The following PARP16 variants were observed in gnomAD, a reference collection of about 807,000 sequenced individuals.
PARP16 encodes poly(ADP-ribose) polymerase family member 16, also known as protein mono-ADP-ribosyltransferase PARP16.
In PARP16, 31 loss-of-function variants were observed where a neutral mutation model predicts 35.0. That is an observed-to-expected ratio of 0.88 (90% CI 0.66 to 1.19). The LOEUF (loss-of-function observed/expected upper bound fraction) is 1.19. Among genes scored for constraint, PARP16 ranks in the 50% most tolerant of loss-of-function variants. PARP16 has a pLI of 0.00. For synonymous variants in PARP16, 162 were observed against 169.5 expected (o/e 0.96, Z 0.34); for missense variants, 424 against 411.2 (o/e 1.03, Z -0.27).
intron 3 of PARP16, among the ~76,000 whole-genome samples, chr15:65,240,699 G>T (rs1476720610): frequency 1.3e-5 from 2 of 152,080 alleles, no homozygotes; most frequent in African/African-American, 4.8e-5. Flanking sequence ...TATATGCAAG[G>T]CTGCTGTAAC....
chr15:65,263,074 C>T (rs2089787517), intron 4 of PARP16, 75 bp downstream of exon 4: 6 of 1,410,420 alleles, frequency 4.3e-6, no homozygotes, highest in Non-Finnish European at 5.9e-6. Flanking sequence ...GTGCTCTACC[C>T]AACAGCTGGG....
chr15:65,232,390 C>T (rs935927478), downstream of PARP16, among the ~76,000 whole-genome samples: 1 of 152,150 alleles, frequency 6.6e-6, no homozygotes, highest in Non-Finnish European at 1.5e-5. Flanking sequence ...CCACTGACGG[C>T]TTGAAATCTA....
chr15:65,275,779 ACTGCTGC>A (rs1267217781), intron 1 of PARP16, among the ~76,000 whole-genome samples: 2 of 152,160 alleles, frequency 1.3e-5, no homozygotes, highest in African/African-American at 4.8e-5. Flanking sequence ...CCCATACAGG[ACTGCTGC>A]CTGCACAGTC....
downstream of PARP16, among the ~76,000 whole-genome samples, chr15:65,255,181 G>A (rs749820065): frequency 6.6e-6 from 1 of 152,090 alleles, no homozygotes; most frequent in African/African-American, 2.4e-5. Context: ...GTTAAGTCTC[G>A]TGTAGGGCTT....
chr15:65,286,203 G>C (rs1217225657), intron 1 of PARP16, 50 bp downstream of exon 1: 1 of 1,422,240 alleles, frequency 7.0e-7, no homozygotes, highest in Non-Finnish European at 9.4e-7. Flanking sequence ...GGTTCCACAG[G>C]GCACTTGGTC....
chr15:65,284,337 CTTTTT>C (rs34254507), intron 1 of PARP16, among the ~76,000 whole-genome samples: 12 of 67,038 alleles, frequency 1.8e-4, no homozygotes, highest in South Asian at 7.7e-4. Flanking sequence ...TTTCTTTCCT[CTTTTT>C]TTTTTTTTTT....
chr15:65,264,635 C>A (rs1443594402), intron 3 of PARP16, among the ~76,000 whole-genome samples: 3 of 152,208 alleles, frequency 2.0e-5, no homozygotes, highest in Non-Finnish European at 4.4e-5. Flanking sequence ...ACACTGGATG[C>A]CCTCTGATCT....
At chr15:65,281,003 C>G (rs1429293213) in intron 1 of PARP16, among the ~76,000 whole-genome samples, 1 of 152,078 alleles carries the variant, frequency 6.6e-6, no homozygotes, top group Admixed American at 6.6e-5. Context: ...TAATGAGCAC[C>G]CAGGTGAGGC....
chr15:65,255,767 A>G (rs1400236850), downstream of PARP16, among the ~76,000 whole-genome samples: 2 of 151,736 alleles, frequency 1.3e-5, no homozygotes, highest in East Asian at 1.9e-4. Context: ...AAAAAGAAAA[A>G]AAAAAAAGAC....
At chr15:65,246,490 C>T (rs186200234) in intron 3 of PARP16, among the ~76,000 whole-genome samples, 48 of 152,322 alleles carry the variant, frequency 3.2e-4, no homozygotes, top group Admixed American at 2.2e-3. Flanking sequence ...AGACGCCCTC[C>T]GCCTGTCTGG....
intron 2 of PARP16, among the ~76,000 whole-genome samples, chr15:65,251,472 T>C (rs990613486): frequency 1.8e-4 from 27 of 152,300 alleles, no homozygotes; most frequent in African/African-American, 6.0e-4. Context: ...CTGGATTCAG[T>C]ACTCAAAACA....
chr15:65,231,088 A>C (rs1482677258), downstream of PARP16, among the ~76,000 whole-genome samples: 1 of 151,916 alleles, frequency 6.6e-6, no homozygotes, highest in Non-Finnish European at 1.5e-5. Flanking sequence ...GGGTTTCACC[A>C]TGTTGGCCAG....
chr15:65,259,664 G>A (rs1235295367), intron 5 of PARP16, 122 bp from the exon 6 acceptor site: 2 of 968,164 alleles, frequency 2.1e-6, no homozygotes, highest in Admixed American at 2.5e-5. Flanking sequence ...CCTGAGCCAT[G>A]AAATGAAGCT....
chr15:65,267,618 AAATT>A (rs1261680311), intron 2 of PARP16, among the ~76,000 whole-genome samples: 10 of 116,262 alleles, frequency 8.6e-5, no homozygotes, highest in Admixed American at 3.7e-4. Context: ...AAAAATAAAT[AAATT>A]AATTAATTAA....
chr15:65,260,894 G>A lies in PARP16; in HGVS notation c.824C>T (p.Pro275Leu), dbSNP rs199526163. The A allele has an allele frequency of 6.2e-7, 1 of 1,613,778 alleles. No individual in the cohort carries two copies. The highest frequency in any genetic ancestry group is 2.2e-5 in the East Asian group (1 of 44,874). ...TTCTCTTGGACCTTACCTCTTGGGTGGCTTCTGTGAATACACCAGGAGGTA... is the reference window on the plus strand; with the variant it reads ...TTCTCTTGGACCTTACCTCTTGGGTAGCTTCTGTGAATACACCAGGAGGTA... Reference protein sequence around the residue: ...VKYLLVYSQKPPKRASSQLSW... With the variant: ...VKYLLVYSQKLPKRASSQLSW... The change falls in exon 5 of 6, where the codon CCA becomes CTA. Residue 275 changes from proline to leucine, a missense_variant. By Grantham distance (98) the Pro-to-Leu change is moderately conservative (BLOSUM62 -3). Coordinates refer to ENST00000649807, the MANE Select transcript of PARP16 (RefSeq NM_001316943.2).
Position 65,247,531 on chromosome 15 carries a change from T to C in PARP16, c.*97+586A>G, listed in dbSNP as rs968207484. The stretch of plus-strand genomic sequence containing the variant: ...AACCACACAAGGCCTATACAATTAA[T>C]GATGAGGTGATCTAACCCTTTCATT... On this transcript the variant is annotated intron_variant and NMD_transcript_variant, in intron 3 of 3. Transcript: ENST00000559805. Among the ~76,000 whole-genome samples the C allele has an allele frequency of 2.6e-5, 4 of 152,116 alleles. No individual in the cohort carries two copies. The East Asian group carries it at 7.7e-4, about 29-fold the overall frequency.
rs1236307026 is a variant in PARP16 at position 65,286,525 on chromosome 15, A to T, written c.-99T>A. On this transcript the variant is annotated 5_prime_UTR_variant, in exon 1 of 6. Coordinates refer to ENST00000649807, the MANE Select transcript of PARP16 (RefSeq NM_001316943.2). ...CTGGGCCCGCGGACAATGGGCCGTC[A>T]GGGGCCGGGTTCCCAAGCCTGGGGT... The T allele has an allele frequency of 2.9e-5, 27 of 936,542 alleles. No homozygotes were observed. Among genetic ancestry groups the T allele is most frequent in the Admixed American group, 7.4e-5 (2 of 27,186 alleles). The allele number at this position is 936,542 out of a possible 1,614,324, so 58.0% of individuals were successfully genotyped here. A position where few individuals can be genotyped will look rare whatever the true frequency, so the allele number is the denominator to read the frequency against.
intron 4 of PARP16, among the ~76,000 whole-genome samples, chr15:65,262,519 A>G (rs1458666469): frequency 6.6e-6 from 1 of 152,186 alleles, no homozygotes; most frequent in South Asian, 2.1e-4. Flanking sequence ...GGGGGAGACA[A>G]GGCAAATAGT....
downstream of PARP16, among the ~76,000 whole-genome samples, chr15:65,255,893 A>C (rs926257255): frequency 1.3e-5 from 2 of 152,062 alleles, no homozygotes; most frequent in Non-Finnish European, 2.9e-5. Context: ...TCTTCACTTG[A>C]GACATATAGC....
Sources: gnomAD v4.1 joint callset for allele counts (sites outside exome capture counted in the v4.1 genomes callset) on GRCh38, gnomAD v4.1.1 for gene constraint, MANE v1.5 for transcripts, NCBI Gene and HGNC (gene_info 2026-07-23, HGNC 2026-07-21) for gene names.